MSRA: variants seen among roughly 807,000 people sequenced by gnomAD.
MSRA encodes the protein methionine sulfoxide reductase A.
In MSRA, 54 loss-of-function variants were observed where a neutral mutation model predicts 31.3. That is an observed-to-expected ratio of 1.73 (90% CI 1.39 to 2.17). The LOEUF (loss-of-function observed/expected upper bound fraction) is 2.17. Ranked by LOEUF, MSRA falls within the 30% of genes most tolerant of loss-of-function variation. MSRA has a pLI of 0.00. For missense variants in MSRA, 507 were observed against 300.9 expected (o/e 1.69, Z -5.07); for synonymous variants, 169 against 116.5 (o/e 1.45, Z -2.90).
At chr8:10,426,975 G>GGGCCTCAAGATCCTCGATT (rs150708321) in intron 5 of MSRA, among the ~76,000 whole-genome samples, 2 of 152,054 alleles carry the variant, frequency 1.3e-5, no homozygotes, top group South Asian at 2.1e-4. Flanking sequence ...CGGACCTGCT[G>GGGCCTCAAGATCCTCGATT]GGCCTTCTGC....
chr8:10,305,209 C>G (rs896174084), intron 4 of MSRA, among the ~76,000 whole-genome samples: 6 of 152,084 alleles, frequency 3.9e-5, no homozygotes, highest in Non-Finnish European at 5.9e-5. Context: ...TGTGGAGATT[C>G]TTGCTGATGT....
intron 5 of MSRA, among the ~76,000 whole-genome samples, chr8:10,370,705 C>T (rs187089810): frequency 1.3e-3 from 193 of 152,308 alleles, no homozygotes; most frequent in Non-Finnish European, 2.3e-3. Context: ...CGTTACATAC[C>T]TGGAATATCA....
chr8:10,239,128 T>C (rs1812191938), intron 2 of MSRA, among the ~76,000 whole-genome samples: 1 of 152,114 alleles, frequency 6.6e-6, no homozygotes, highest in African/African-American at 2.4e-5. Context: ...TGTGAAGAGA[T>C]GCTCAACCTC....
intron 1 of MSRA, among the ~76,000 whole-genome samples, chr8:10,119,368 C>G (rs551764684): frequency 6.6e-6 from 1 of 152,270 alleles, no homozygotes; most frequent in South Asian, 2.1e-4. Flanking sequence ...TTCTTGGAGT[C>G]ACATTCCTTA....
At chr8:10,301,453 G>A in intron 3 of MSRA, 81 bp from the exon 4 acceptor site, 1 of 1,075,354 alleles carries the variant, frequency 9.3e-7, no homozygotes, top group Non-Finnish European at 1.4e-6. Flanking sequence ...GCTTTTGTCT[G>A]TTGTTTTTTT....
At chr8:10,200,782 A>G (rs1416505657) in intron 1 of MSRA, among the ~76,000 whole-genome samples, 2 of 152,216 alleles carry the variant, frequency 1.3e-5, no homozygotes, top group African/African-American at 4.8e-5. Flanking sequence ...AGGGACAAAC[A>G]CAACCAGAAC....
intron 1 of MSRA, among the ~76,000 whole-genome samples, chr8:10,160,665 G>T (rs1804556672): frequency 6.6e-6 from 1 of 152,044 alleles, no homozygotes; most frequent in Admixed American, 6.6e-5. Flanking sequence ...GAGTAGCTGG[G>T]ATTACAGGTG....
chr8:10,234,479 A>G (rs1811776359), intron 2 of MSRA, among the ~76,000 whole-genome samples: 1 of 152,058 alleles, frequency 6.6e-6, no homozygotes, highest in Non-Finnish European at 1.5e-5. Context: ...TTGCCTCCAA[A>G]TTGGCCAAGG....
At chr8:10,337,855 G>T (rs1248612934) in intron 5 of MSRA, 2 of 700,870 alleles carry the variant, frequency 2.9e-6, no homozygotes, top group African/African-American at 1.7e-5. Context: ...TGCTAAATCA[G>T]TTTGTAAAGT....
intron 4 of MSRA, among the ~76,000 whole-genome samples, chr8:10,302,782 C>G (rs959166860): frequency 6.6e-6 from 1 of 152,170 alleles, no homozygotes; most frequent in African/African-American, 2.4e-5. Context: ...TTTCCATGAC[C>G]ACAAAGTCTG....
intron 3 of MSRA, among the ~76,000 whole-genome samples, chr8:10,254,787 G>T (rs775799540): frequency 2.0e-5 from 3 of 152,186 alleles, no homozygotes; most frequent in African/African-American, 4.8e-5. Context: ...CATGTCTTTC[G>T]TGAGCATTTT....
At chr8:10,127,926 C>G (rs1801617722) in intron 1 of MSRA, among the ~76,000 whole-genome samples, 1 of 151,852 alleles carries the variant, frequency 6.6e-6, no homozygotes, top group South Asian at 2.1e-4. Context: ...TCTTTGTGTA[C>G]GTGAATGTGC....
intron 2 of MSRA, among the ~76,000 whole-genome samples, chr8:10,221,022 G>C (rs1810446642): frequency 6.6e-6 from 1 of 152,172 alleles, no homozygotes; most frequent in Non-Finnish European, 1.5e-5. Flanking sequence ...TCTTTGGCCA[G>C]GCCTCACACT....
chr8:10,394,403 A>G (rs1044688806), intron 5 of MSRA, among the ~76,000 whole-genome samples: 2 of 152,232 alleles, frequency 1.3e-5, no homozygotes, highest in African/African-American at 2.4e-5. Context: ...ATAGTCCAAT[A>G]AAGGGAATTA....
chr8:10,154,835 T>C (rs1207375637), intron 1 of MSRA, among the ~76,000 whole-genome samples: 2 of 152,020 alleles, frequency 1.3e-5, no homozygotes. Context: ...TAATTTTTTT[T>C]TCTTGGAAAT....
intron 3 of MSRA, among the ~76,000 whole-genome samples, chr8:10,288,980 CT>C (rs61082051): frequency 0.55 from 81,645 of 147,408 alleles, 22,301 homozygotes; most frequent in East Asian, 0.64. Flanking sequence ...AGTGCCATTT[CT>C]TTTTTTTTTT....
chr8:10,214,496 C>T (rs1386953781), intron 2 of MSRA, among the ~76,000 whole-genome samples: 1 of 152,116 alleles, frequency 6.6e-6, no homozygotes, highest in East Asian at 1.9e-4. Context: ...GTCTCACTGG[C>T]ACATATCCAG....
At chr8:10,161,016 G>C (rs1804590064) in intron 1 of MSRA, among the ~76,000 whole-genome samples, 1 of 145,718 alleles carries the variant, frequency 6.9e-6, no homozygotes, top group Non-Finnish European at 1.5e-5. Context: ...AATATCAAAT[G>C]AATAAGGCGA....
chr8:10,184,014 G>A (rs1585115503), intron 1 of MSRA, among the ~76,000 whole-genome samples: 1 of 54,942 alleles, frequency 1.8e-5, no homozygotes, highest in Middle Eastern at 0.01. Flanking sequence ...GGTGGTGGTG[G>A]TGTTGGTGGT....
Sources: allele counts gnomAD v4.1 joint callset (sites outside exome capture counted in the v4.1 genomes callset), GRCh38; gene constraint gnomAD v4.1.1; transcripts MANE v1.5; gene names NCBI Gene and HGNC (gene_info 2026-07-23, HGNC 2026-07-21).